METAP1D: variants seen among roughly 807,000 people sequenced by gnomAD.
METAP1D encodes the protein methionine aminopeptidase 1D, mitochondrial.
In METAP1D, 31 loss-of-function variants were observed where a neutral mutation model predicts 40.5. That is an observed-to-expected ratio of 0.77 (90% CI 0.58 to 1.03). The LOEUF (loss-of-function observed/expected upper bound fraction) is 1.03. Ranked by LOEUF, METAP1D falls within the 50% of genes least tolerant of loss-of-function variation. The pLI is 0.00. For synonymous variants in METAP1D, 151 were observed against 146.4 expected (o/e 1.03, Z -0.22); for missense variants, 411 against 420.7 (o/e 0.98, Z 0.20).
intron 1 of METAP1D, among the ~76,000 whole-genome samples, chr2:172,031,321 C>T (rs1029584215): frequency 1.3e-5 from 2 of 151,836 alleles, no homozygotes; most frequent in African/African-American, 4.8e-5. Flanking sequence ...GTGAAGACCC[C>T]AGAGGAAGAG....
chr2:172,041,269 G>A (rs1689515270), intron 1 of METAP1D, among the ~76,000 whole-genome samples: 1 of 151,652 alleles, frequency 6.6e-6, no homozygotes, highest in Admixed American at 6.6e-5. Context: ...GACCAGCCTG[G>A]CCAATATGGT....
intron 1 of METAP1D, among the ~76,000 whole-genome samples, chr2:172,002,736 T>TCTCTCCACCCTCTTCCTCCC (rs1688494247): frequency 6.6e-6 from 1 of 152,150 alleles, no homozygotes; most frequent in Non-Finnish European, 1.5e-5. Flanking sequence ...CGAAGACTCC[T>TCTCTCCACCCTCTTCCTCCC]CTCTCCACCC....
intron 1 of METAP1D, among the ~76,000 whole-genome samples, chr2:172,039,423 G>A (rs1689463883): frequency 1.3e-5 from 2 of 152,178 alleles, no homozygotes; most frequent in South Asian, 4.1e-4. Flanking sequence ...CACTGTGGCT[G>A]TGAACTCCAA....
intron 1 of METAP1D, among the ~76,000 whole-genome samples, chr2:172,056,112 T>C (rs1559014083): frequency 6.6e-6 from 1 of 152,180 alleles, no homozygotes; most frequent in South Asian, 2.1e-4. Context: ...ATCAACCACA[T>C]TGAAAAAAAT....
At chr2:172,009,323 G>A (rs1574086742) in intron 1 of METAP1D, among the ~76,000 whole-genome samples, 1 of 152,102 alleles carries the variant, frequency 6.6e-6, no homozygotes, top group Non-Finnish European at 1.5e-5. Context: ...GATTACAGGC[G>A]TGAGCCACCG....
chr2:172,003,155 T>C (rs949154132), intron 1 of METAP1D, among the ~76,000 whole-genome samples: 1 of 152,162 alleles, frequency 6.6e-6, no homozygotes, highest in Non-Finnish European at 1.5e-5. Context: ...GTAGAAACTA[T>C]GAGTAGTGAC....
chr2:172,042,457 A>G lies in METAP1D; in HGVS notation c.41-19041A>G, dbSNP rs111215169. 3.2e-4 allele frequency among the ~76,000 whole-genome samples: 9 copies of G among 28,536 alleles called. 3 individuals are homozygous for G. The highest frequency in any genetic ancestry group is 8.8e-4 in the African/African-American group (5 of 5,712). 18.7% of individuals were successfully genotyped at this position (28,536 alleles called of 152,430 possible). A position where few individuals can be genotyped will look rare whatever the true frequency, so the allele number is the denominator to read the frequency against. ...CATATGTATGTGTACATGCGTACAT[A>G]TATACATATATACATATGTGTGTGT... On this transcript the variant is annotated intron_variant, in intron 1 of 9. Coordinates refer to ENST00000315796, the MANE Select transcript of METAP1D (RefSeq NM_199227.3).
chr2:172,055,397 G>A (rs1689981102), intron 1 of METAP1D, among the ~76,000 whole-genome samples: 1 of 152,208 alleles, frequency 6.6e-6, no homozygotes, highest in Non-Finnish European at 1.5e-5. Context: ...ATTAGTTACT[G>A]TAGTTCGGGT....
At chr2:172,074,104 C>T (rs1483477190) in intron 6 of METAP1D, among the ~76,000 whole-genome samples, 2 of 152,108 alleles carry the variant, frequency 1.3e-5, no homozygotes, top group Non-Finnish European at 2.9e-5. Context: ...TCTCCATTTG[C>T]TTTAAAATAT....
At chr2:172,009,481 A>AT (rs540973614) in intron 1 of METAP1D, among the ~76,000 whole-genome samples, 2 of 151,946 alleles carry the variant, frequency 1.3e-5, no homozygotes, top group African/African-American at 4.8e-5. Context: ...ATATGGGTTA[A>AT]TTTTTTTTAT....
intron 1 of METAP1D, among the ~76,000 whole-genome samples, chr2:172,029,908 A>G (rs1463790373): frequency 2.6e-5 from 4 of 151,734 alleles, no homozygotes; most frequent in Non-Finnish European, 5.9e-5. Context: ...GGCATGCGCC[A>G]CCACATCCAG....
intron 6 of METAP1D, among the ~76,000 whole-genome samples, chr2:172,072,930 A>G (rs1040316234): frequency 1.3e-5 from 2 of 152,196 alleles, no homozygotes; most frequent in African/African-American, 2.4e-5. Flanking sequence ...TGTGCTAGGA[A>G]CAGGCTAGAT....
At chr2:172,024,764 G>GTGTGTGTA (rs1553491404) in intron 1 of METAP1D, among the ~76,000 whole-genome samples, 1 of 150,894 alleles carries the variant, frequency 6.6e-6, no homozygotes, top group Non-Finnish European at 1.5e-5. Flanking sequence ...GTGTGTGTGT[G>GTGTGTGTA]TGTGTGTGTG....
intron 1 of METAP1D, among the ~76,000 whole-genome samples, chr2:172,040,744 C>CACTT (rs1689499791): frequency 1.1e-5 from 1 of 94,852 alleles, no homozygotes. Flanking sequence ...CATTCAGGCC[C>CACTT]TCTTTTTTTT....
chr2:172,042,679 A>G (rs1308029965), intron 1 of METAP1D, among the ~76,000 whole-genome samples: 370 of 19,880 alleles, frequency 0.019, 156 homozygotes, highest in African/African-American at 0.046. Flanking sequence ...ATACGTGTGT[A>G]TGTGTATATG....
At chr2:172,005,520 TTATATATATA>T (rs34982215) in intron 1 of METAP1D, among the ~76,000 whole-genome samples, 3 of 110,950 alleles carry the variant, frequency 2.7e-5, no homozygotes, top group Middle Eastern at 6.4e-3. Flanking sequence ...TGTCTGTATT[TTATATATATA>T]TATATATATA....
chr2:172,029,224 A>T (rs2105409707), intron 1 of METAP1D, among the ~76,000 whole-genome samples: 1 of 152,250 alleles, frequency 6.6e-6, no homozygotes, highest in Admixed American at 6.5e-5. Flanking sequence ...CTGAGCAACT[A>T]GGTGAAAACC....
intron 1 of METAP1D, 147 bp from the exon 2 acceptor site, chr2:172,061,351 A>C: frequency 1.6e-6 from 1 of 620,282 alleles, no homozygotes; most frequent in Non-Finnish European, 2.7e-6. Context: ...TCAGAATACC[A>C]CTGTTTTCAT....
chr2:172,068,244 T>C (rs1690334794), intron 5 of METAP1D, among the ~76,000 whole-genome samples: 1 of 151,852 alleles, frequency 6.6e-6, no homozygotes, highest in African/African-American at 2.4e-5. Flanking sequence ...AATATAAAAA[T>C]TAGCCCTGTG....
Sources: gnomAD v4.1 joint callset for allele counts (sites outside exome capture counted in the v4.1 genomes callset) on GRCh38, gnomAD v4.1.1 for gene constraint, MANE v1.5 for transcripts, NCBI Gene and HGNC (gene_info 2026-07-23, HGNC 2026-07-21) for gene names.